The following ANKH variants were observed in gnomAD, a reference collection of about 807,000 sequenced individuals.
The protein encoded by ANKH is ANKH inorganic pyrophosphate transport regulator.
A neutral mutation model predicts 49.0 loss-of-function variants in ANKH; 15 were observed. The ratio of observed to expected loss-of-function variants is 0.31; its 90% confidence interval spans 0.20 to 0.47. ANKH has a LOEUF of 0.47. ANKH is among the 20% of genes least tolerant of loss of function. The pLI is 1.00. For synonymous variants in ANKH, 273 were observed against 260.0 expected, an observed-to-expected ratio of 1.05 and a Z score of -0.48; for missense variants, 429 against 652.0, an observed-to-expected ratio of 0.66 and a Z score of 3.72.
At chr5:14,820,522 C>T (rs949511330) in intron 1 of ANKH, among the ~76,000 whole-genome samples, 9 of 152,198 alleles carry the variant, frequency 5.9e-5, no homozygotes, top group Non-Finnish European at 1.5e-5. Flanking sequence ...TAAGAGGAGA[C>T]ACCACAATTA....
At chr5:14,824,610 G>T (rs1741287852) in intron 1 of ANKH, among the ~76,000 whole-genome samples, 2 of 152,190 alleles carry the variant, frequency 1.3e-5, no homozygotes, top group South Asian at 4.1e-4. Context: ...AAAATGAACA[G>T]TTCTGCAGTT....
intron 7 of ANKH, among the ~76,000 whole-genome samples, chr5:14,742,825 C>G (rs152364): frequency 0.3 from 46,005 of 152,200 alleles, 8,189 homozygotes; most frequent in African/African-American, 0.5. Context: ...CAGTCAAAGG[C>G]GCCTGCCGAG....
Position 14,798,233 on chromosome 5 carries a change from TG to T in ANKH, c.97-29043del, listed in dbSNP as rs139366588. The T allele has an allele frequency of 3.6e-3, 5,729 of 1,602,472 alleles. 182 individuals carry two copies. The African/African-American group carries it at 0.069, about 19-fold the overall frequency. On this transcript the variant is annotated intron_variant, in intron 1 of 11. Coordinates refer to ENST00000284268, the MANE Select transcript of ANKH (RefSeq NM_054027.6). The stretch of plus-strand genomic sequence containing the variant: ...GATGAAGGCTGAAATCTTTCCCTTC[TG>T]GTCTGGTTACATCTGGAAGCCACTG...
chr5:14,721,324 T>C (rs1351651120), intron 8 of ANKH, among the ~76,000 whole-genome samples: 2 of 152,196 alleles, frequency 1.3e-5, no homozygotes, highest in Non-Finnish European at 1.5e-5. Flanking sequence ...ATCATGGCCA[T>C]GTGCCAACAG....
At chr5:14,724,512 A>T in intron 8 of ANKH, 1 of 980,398 alleles carries the variant, frequency 1.0e-6, no homozygotes, top group Non-Finnish European at 1.2e-6. Context: ...CAGTGCAGTG[A>T]TGAAGGAAAT....
Position 14,838,514 on chromosome 5 carries a change from G to C in ANKH, c.96+32838C>G, listed in dbSNP as rs528791338. ...AAAACCACAAGTCTCTTGGACTCAA[G>C]GGGTATGTATGTCCTTCTCAGTGTG... On this transcript the variant is annotated intron_variant, in intron 1 of 11. Transcript: ENST00000284268. 4.6e-5 allele frequency among the ~76,000 whole-genome samples: 7 copies of C among 152,264 alleles called. No individual in the cohort carries two copies. The South Asian group carries it at 1.4e-3, about 32-fold the overall frequency.
intron 1 of ANKH, among the ~76,000 whole-genome samples, chr5:14,792,335 G>A (rs1239871116): frequency 2.0e-5 from 3 of 152,162 alleles, no homozygotes; most frequent in African/African-American, 4.8e-5. Flanking sequence ...GACTAGAGTG[G>A]CAAAAAACAG....
At chr5:14,842,642 T>C (rs1741845708) in intron 1 of ANKH, among the ~76,000 whole-genome samples, 1 of 152,138 alleles carries the variant, frequency 6.6e-6, no homozygotes, top group African/African-American at 2.4e-5. Context: ...AAGCCCTTAG[T>C]TTACAGTGTC....
intron 1 of ANKH, among the ~76,000 whole-genome samples, chr5:14,809,298 C>T (rs1212435845): frequency 9.2e-6 from 1 of 108,818 alleles, no homozygotes; most frequent in East Asian, 2.8e-4. Flanking sequence ...AACTAACCTG[C>T]ACAATGTGCA....
At chr5:14,793,035 A>AATATATATATATATATATAT (rs1247366121) in intron 1 of ANKH, among the ~76,000 whole-genome samples, 1 of 72,290 alleles carries the variant, frequency 1.4e-5, no homozygotes. Context: ...TATATATATA[A>AATATATATATATATATATAT]AAATATATAT....
intron 1 of ANKH, among the ~76,000 whole-genome samples, chr5:14,779,501 C>G (rs537783727): frequency 6.6e-6 from 1 of 152,318 alleles, no homozygotes; most frequent in South Asian, 2.1e-4. Context: ...CCCATATCAC[C>G]AGTCTGTTAC....
chr5:14,726,102 C>T lies in ANKH; in HGVS notation c.1012-9267G>A, dbSNP rs184689199. Among the ~76,000 whole-genome samples the T allele has an allele frequency of 3.2e-4, 49 of 152,188 alleles. 1 individual carries two copies. In the East Asian group the frequency reaches 8.5e-3, roughly 26 times the overall value. On this transcript the variant is annotated intron_variant, in intron 8 of 11. Transcript: ENST00000284268. The stretch of plus-strand genomic sequence containing the variant: ...CTGTCAGCTTGGTTTTCACAGCCAG[C>T]GTCTTGGGAAACCATGTCCCACATC...
At chr5:14,724,029 C>A (rs530056396) in intron 8 of ANKH, among the ~76,000 whole-genome samples, 9 of 152,110 alleles carry the variant, frequency 5.9e-5, no homozygotes, top group African/African-American at 1.4e-4. Flanking sequence ...AGTAATTTAA[C>A]ATTTTTGTCC....
chr5:14,866,234 G>A (rs758377415), intron 1 of ANKH, among the ~76,000 whole-genome samples: 2 of 152,138 alleles, frequency 1.3e-5, no homozygotes, highest in Non-Finnish European at 2.9e-5. Flanking sequence ...TTGAACTCCT[G>A]ACCTCAGGTG....
intron 1 of ANKH, among the ~76,000 whole-genome samples, chr5:14,772,741 C>T (rs1424922885): frequency 1.3e-5 from 2 of 152,240 alleles, no homozygotes; most frequent in Admixed American, 1.3e-4. Context: ...GGGGACACTA[C>T]TGGTGTCTCA....
intron 1 of ANKH, among the ~76,000 whole-genome samples, chr5:14,813,257 G>C (rs1251925397): frequency 6.6e-6 from 1 of 151,828 alleles, no homozygotes; most frequent in Non-Finnish European, 1.5e-5. Flanking sequence ...AAAAAAGCAT[G>C]GTTGAATGGG....
At chr5:14,845,691 T>A (rs918495526) in intron 1 of ANKH, among the ~76,000 whole-genome samples, 1 of 152,120 alleles carries the variant, frequency 6.6e-6, no homozygotes, top group Non-Finnish European at 1.5e-5. Flanking sequence ...TCTCTCCACC[T>A]TGGGCTCTGT....
Position 14,713,444 on chromosome 5 carries a change from C to G in ANKH, c.1265+100G>C. Reference sequence around the variant, plus strand: ...ATCATTCTGAATTTCCGATTCTAGACGTGCCTGGGGATTTCCCCTGAAAAT... The same window carrying G: ...ATCATTCTGAATTTCCGATTCTAGAGGTGCCTGGGGATTTCCCCTGAAAAT... On this transcript the variant is annotated intron_variant, in intron 10 of 11. Coordinates refer to ENST00000284268, the MANE Select transcript of ANKH (RefSeq NM_054027.6). The surrounding 1 kb of genome is among the most constrained non-coding windows in gnomAD (Gnocchi z 4.4). 6.7e-7 allele frequency: 1 copy of G among 1,501,092 alleles called. No homozygotes were observed. Among genetic ancestry groups the G allele is most frequent in the Non-Finnish European group, 9.1e-7 (1 of 1,095,462 alleles). The allele number at this position is 1,501,092 out of a possible 1,614,324, so 93.0% of individuals were successfully genotyped here. A position where few individuals can be genotyped will look rare whatever the true frequency, so the allele number is the denominator to read the frequency against.
Position 14,769,272 on chromosome 5 carries a change from G to A in ANKH, c.97-81C>T, listed in dbSNP as rs1739351089. 4 of 1,196,286 alleles carry A rather than the reference G, an allele frequency of 3.3e-6. No individual in the cohort carries two copies. In the Admixed American group the frequency reaches 7.9e-5, roughly 24 times the overall value. The allele number at this position is 1,196,286 out of a possible 1,614,324, so 74.1% of individuals were successfully genotyped here. Reference sequence around the variant, plus strand: ...AATCATACCTCTAAGATGAAATTCAGCAGATCACGTTTCTATAGAAACACT... The same window carrying A: ...AATCATACCTCTAAGATGAAATTCAACAGATCACGTTTCTATAGAAACACT... On this transcript the variant is annotated intron_variant, in intron 1 of 11. Coordinates refer to ENST00000284268, the MANE Select transcript of ANKH (RefSeq NM_054027.6).
Sources: gnomAD v4.1 joint callset for allele counts (sites outside exome capture counted in the v4.1 genomes callset) on GRCh38, gnomAD v4.1.1 for gene constraint, Gnocchi (gnomAD v3.1) non-coding constraint, MANE v1.5 for transcripts, NCBI Gene and HGNC (gene_info 2026-07-23, HGNC 2026-07-21) for gene names.